CKAP5: variants seen among roughly 807,000 people sequenced by gnomAD.
CKAP5 encodes cytoskeleton-associated protein 5.
A neutral mutation model predicts 232.8 loss-of-function variants in CKAP5; 27 were observed. The ratio of observed to expected loss-of-function variants is 0.12; its 90% CI spans 0.09 to 0.16. The LOEUF (loss-of-function observed/expected upper bound fraction) is 0.16, where lower values mean the gene tolerates loss of function less well. CKAP5 is among the 10% of genes least tolerant of loss of function. CKAP5 has a pLI of 1.00. For missense variants in CKAP5, 1,838 were observed against 2,424.7 expected (o/e 0.76, Z 5.08); for synonymous variants, 785 against 841.1 (o/e 0.93, Z 1.16).
chr11:46,836,780 C>T (rs896631263), intron 1 of CKAP5, among the ~76,000 whole-genome samples: 1 of 152,128 alleles, frequency 6.6e-6, no homozygotes, highest in Non-Finnish European at 1.5e-5. Flanking sequence ...AGGTATTTAT[C>T]CAACTGAATT....
chr11:46,778,317 A>C lies in CKAP5; in HGVS notation c.2574-4T>G. ...CAACTCTGAAGTGATTTTATCACTG[A>C]AAAACAGAAAATAACCTTTAATTCC... On this transcript the variant is annotated splice_region_variant and splice_polypyrimidine_tract_variant and intron_variant, in intron 21 of 43. Transcript: ENST00000529230. 6.2e-7 allele frequency: 1 copy of C among 1,610,392 alleles called. No homozygotes were observed. Among genetic ancestry groups the C allele is most frequent in the Non-Finnish European group, 8.5e-7 (1 of 1,178,182 alleles).
intron 4 of CKAP5, among the ~76,000 whole-genome samples, chr11:46,811,542 T>C (rs7102474): frequency 0.15 from 22,590 of 152,156 alleles, 2,560 homozygotes; most frequent in African/African-American, 0.32. Context: ...TATGGCATGA[T>C]TGCAGCTCAC....
intron 20 of CKAP5, among the ~76,000 whole-genome samples, chr11:46,779,510 C>T (rs1400906808): frequency 1.3e-5 from 2 of 149,092 alleles, no homozygotes; most frequent in Non-Finnish European, 3.0e-5. Context: ...ATTCTTCATT[C>T]CAGAAAGACA....
At chr11:46,809,632 T>C in intron 6 of CKAP5, 110 bp downstream of exon 6, 1 of 1,405,604 alleles carries the variant, frequency 7.1e-7, no homozygotes, top group Non-Finnish European at 1.0e-6. Context: ...ACATGCAACT[T>C]ATATTTTATT....
Position 46,781,772 on chromosome 11 carries a change from T to C in CKAP5, c.2250-1287A>G, listed in dbSNP as rs533584863. Among the ~76,000 whole-genome samples the C allele has an allele frequency of 2.0e-5, 3 of 152,250 alleles. No individual in the cohort carries two copies. In the East Asian group the frequency reaches 5.8e-4, roughly 29 times the overall value. On this transcript the variant is annotated intron_variant, in intron 18 of 43. Coordinates refer to ENST00000529230, the MANE Select transcript of CKAP5 (RefSeq NM_001008938.4). ...CAACACCATCTAAACTATACCACAT[T>C]ATTCCATTTAACCCTTCATCCTGCT...
At chr11:46,786,868 C>T (rs1039041093) in intron 16 of CKAP5, among the ~76,000 whole-genome samples, 4 of 152,128 alleles carry the variant, frequency 2.6e-5, no homozygotes, top group Admixed American at 2.0e-4. Flanking sequence ...GGAGACAGAT[C>T]ACATTGGTTC....
At chr11:46,833,796 C>A (rs1398972598) in intron 1 of CKAP5, among the ~76,000 whole-genome samples, 1 of 151,786 alleles carries the variant, frequency 6.6e-6, no homozygotes, top group Non-Finnish European at 1.5e-5. Context: ...GTAGTATTAA[C>A]AGATTTCATG....
At chr11:46,781,642 G>A (rs2065342763) in intron 18 of CKAP5, among the ~76,000 whole-genome samples, 1 of 151,914 alleles carries the variant, frequency 6.6e-6, no homozygotes, top group African/African-American at 2.4e-5. Flanking sequence ...TCTTCCCTTG[G>A]TCTAGAATGC....
At position 46,755,118 on chromosome 11, in the gene CKAP5, T is replaced by A. The variant is rs777946789; in HGVS notation, c.4690-51A>T. 3 of 1,430,362 alleles carry A rather than the reference T, an allele frequency of 2.1e-6. No individual in the cohort carries two copies. The Admixed American group carries it at 6.5e-5, about 31-fold the overall frequency. The allele number at this position is 1,430,362 out of a possible 1,614,324, so 88.6% of individuals were successfully genotyped here. ...TTTTCCAAGCTTCATACTTCTAAAA[T>A]AGCGGAAGACACTATATGAAACTTC... is the stretch of plus-strand genomic sequence containing the variant. On this transcript the variant is annotated intron_variant, in intron 35 of 43. Transcript: ENST00000529230.
intron 37 of CKAP5, chr11:46,753,033 T>C (rs913793076): frequency 9.0e-6 from 4 of 442,744 alleles, no homozygotes; most frequent in South Asian, 4.6e-5. Flanking sequence ...ATGCATGATA[T>C]TGGCTGGCTA....
chr11:46,839,261 A>T (rs1026583557), intron 1 of CKAP5, among the ~76,000 whole-genome samples: 38 of 152,226 alleles, frequency 2.5e-4, no homozygotes, highest in Non-Finnish European at 4.4e-5. Flanking sequence ...GGCTGGGGGT[A>T]GGGGTAGAGT....
rs974055815 is a variant in CKAP5, at chr11:46,767,656, A to G, written c.3330T>C (p.Ala1110=). 10 of 1,606,788 alleles carry G rather than the reference A, an allele frequency of 6.2e-6. No homozygotes were observed. The African/African-American group carries it at 1.3e-4, about 22-fold the overall frequency. The change falls in exon 27 of 44, where the codon GCT becomes GCC. Residue 1110 remains alanine (A), a synonymous_variant. Transcript: ENST00000529230. ...CTGTACTGCTGGAAATACAATCTTC[A>G]GCAGGTGCTTTGAGGAAAAAAATAT... ...PAKFQPASAP[A]EDCISSSTEP... is the part of the protein sequence containing the mutation.
intron 35 of CKAP5, among the ~76,000 whole-genome samples, chr11:46,758,110 A>G (rs997001766): frequency 3.3e-5 from 5 of 152,136 alleles, no homozygotes; most frequent in Admixed American, 6.6e-5. Context: ...AATAAAATCC[A>G]AACAACTCAC....
At chr11:46,797,020 C>A in intron 11 of CKAP5, 80 bp from the exon 12 acceptor site, 2 of 1,491,012 alleles carry the variant, frequency 1.3e-6, no homozygotes, top group Admixed American at 1.8e-5. Context: ...CTGATGGTTG[C>A]TAGATAAAGA....
At chr11:46,747,945 A>C (rs1185905160) in intron 42 of CKAP5, among the ~76,000 whole-genome samples, 1 of 152,014 alleles carries the variant, frequency 6.6e-6, no homozygotes, top group Non-Finnish European at 1.5e-5. Flanking sequence ...CTGTAGTCCC[A>C]GCTACTCGGG....
intron 8 of CKAP5, among the ~76,000 whole-genome samples, chr11:46,802,849 A>G (rs1243914742): frequency 6.6e-6 from 1 of 152,230 alleles, no homozygotes; most frequent in African/African-American, 2.4e-5. Context: ...ATAAGGATAA[A>G]GAAACTAACA....
At chr11:46,775,660 G>A (rs1440173831) in intron 24 of CKAP5, among the ~76,000 whole-genome samples, 2 of 90,632 alleles carry the variant, frequency 2.2e-5, no homozygotes, top group Non-Finnish European at 3.1e-5. Flanking sequence ...GAATGAGTTC[G>A]TGTCCTTTGC....
chr11:46,784,470 G>A lies in CKAP5; in HGVS notation c.2154+18C>T, dbSNP rs567193952. 10 of 1,585,444 alleles carry A rather than the reference G, an allele frequency of 6.3e-6. No homozygotes were observed. Among genetic ancestry groups the A allele is most frequent in the Non-Finnish European group, 7.7e-6 (9 of 1,164,592 alleles). ...AAAATTGGGAAAACTAGAGGAATAAGACTTCTGTGTCACTAACCTGTTCAG... is the reference window on the plus strand; with the variant it reads ...AAAATTGGGAAAACTAGAGGAATAAAACTTCTGTGTCACTAACCTGTTCAG... On this transcript the variant is annotated intron_variant, in intron 17 of 43. Transcript: ENST00000529230.
Position 46,744,571 on chromosome 11 carries a change from G to A in CKAP5, c.5711C>T (p.Ser1904Phe), listed in dbSNP as rs2065008791. The A allele has an allele frequency of 6.2e-7, 1 of 1,613,846 alleles. No homozygotes were observed. The highest frequency in any genetic ancestry group is 1.7e-5 in the Admixed American group (1 of 59,990). The change falls in exon 43 of 44, where the codon TCC becomes TTC. Residue 1904 changes from serine to phenylalanine, a missense_variant. Physicochemically the swap from Ser to Phe is radical, Grantham distance 155. Coordinates refer to ENST00000529230, the MANE Select transcript of CKAP5 (RefSeq NM_001008938.4). ...KGRISTSTGI[S>F]PQMEVTCVPT... ...CACACATGTGACTTCCATCTGAGGG[G>A]AGATGCCTAGAGGGGAAAAAGTAGA...
Sources: gnomAD v4.1 joint callset for allele counts (sites outside exome capture counted in the v4.1 genomes callset) on GRCh38, gnomAD v4.1.1 for gene constraint, MANE v1.5 for transcripts, NCBI Gene and HGNC (gene_info 2026-07-23, HGNC 2026-07-21) for gene names.